Variants in HDAC9 observed in about 807,000 individuals in gnomAD.
HDAC9 encodes histone deacetylase 9.
Under a neutral mutation model 139.4 loss-of-function variants are expected in HDAC9, and 41 were observed. The observed-to-expected ratio is 0.29, with a 90% confidence interval of 0.23 to 0.38. The LOEUF is 0.38. Among genes scored for constraint, HDAC9 ranks in the 10% least tolerant of loss-of-function variants. The pLI is 1.00. For missense variants in HDAC9, 1,147 were observed against 1,297.0 expected, an observed-to-expected ratio of 0.88 and a Z score of 1.78; for synonymous variants, 517 against 476.2, an observed-to-expected ratio of 1.09 and a Z score of -1.12.
chr7:18,828,973 T>C (rs925674744), intron 17 of HDAC9, among the ~76,000 whole-genome samples, 188 bp from the exon 18 acceptor site: 13 of 152,222 alleles, frequency 8.5e-5, no homozygotes, highest in Non-Finnish European at 1.6e-4. Flanking sequence ...TGAGAAAATG[T>C]GATCACATGT....
chr7:18,550,023 A>AT lies in HDAC9; in HGVS notation c.23-35248dup, dbSNP rs552218842. Among the ~76,000 whole-genome samples, 526 of 139,646 alleles carry AT rather than the reference A, an allele frequency of 3.8e-3. 3 individuals carry two copies. The highest frequency in any genetic ancestry group is 9.7e-3 in the East Asian group (46 of 4,722). The allele number at this position is 139,646 out of a possible 152,430, so 91.6% of individuals were successfully genotyped here. A position where few individuals can be genotyped will look rare whatever the true frequency, so the allele number is the denominator to read the frequency against. On this transcript the variant is annotated intron_variant, in intron 2 of 25. Transcript: ENST00000686413. ...TTCATTTTTTGGAAAGGCATTCTTT[A>AT]TTTTTTTTTTACCATTTTCAACTCA...
At chr7:18,590,998 G>A (rs368058598) in intron 4 of HDAC9, among the ~76,000 whole-genome samples, 2 of 152,138 alleles carry the variant, frequency 1.3e-5, no homozygotes, top group Non-Finnish European at 2.9e-5. Context: ...AAATCAGGTC[G>A]TAGCAAAGTT....
rs545116167 is a variant in HDAC9, at chr7:18,411,378, T to C, written c.-41-84884T>C. On this transcript the variant is annotated intron_variant, in intron 1 of 3. Coordinates refer to the HDAC9 transcript ENST00000413509. ...CAATAAATTACATGAAATATTAGAC[T>C]TCTTTTCTTTTTTTGAGATGGAGTC... Among the ~76,000 whole-genome samples the C allele has an allele frequency of 2.0e-5, 3 of 152,206 alleles. No homozygotes were observed. In the East Asian group the frequency reaches 5.8e-4, roughly 29 times the overall value.
chr7:18,614,130 A>G (rs1244021003), intron 6 of HDAC9, among the ~76,000 whole-genome samples: 1 of 152,156 alleles, frequency 6.6e-6, no homozygotes, highest in Non-Finnish European at 1.5e-5. Context: ...TATAAAATGA[A>G]TAGGTTGATC....
At chr7:18,991,761 C>A (rs1040334302) in intron 25 of HDAC9, among the ~76,000 whole-genome samples, 2 of 152,092 alleles carry the variant, frequency 1.3e-5, no homozygotes, top group Non-Finnish European at 2.9e-5. Context: ...AAATTCAAAT[C>A]TTTGTCCAAA....
intron 22 of HDAC9, among the ~76,000 whole-genome samples, chr7:18,923,300 G>A (rs373006999): frequency 2.6e-5 from 4 of 152,132 alleles, no homozygotes; most frequent in African/African-American, 7.2e-5. Flanking sequence ...CAACAGCTGC[G>A]TATCCCTAGT....
intron 16 of HDAC9, among the ~76,000 whole-genome samples, chr7:18,783,404 G>C (rs1791420311): frequency 6.6e-6 from 1 of 152,048 alleles, no homozygotes; most frequent in South Asian, 2.1e-4. Flanking sequence ...AGAAATACTT[G>C]TATATGAGGC....
intron 16 of HDAC9, among the ~76,000 whole-genome samples, chr7:18,788,752 T>TC (rs1792038753): frequency 1.2e-5 from 1 of 81,776 alleles, no homozygotes; most frequent in African/African-American, 3.2e-5. Flanking sequence ...GAGACTCTGT[T>TC]TAAAAAAAAA....
At chr7:18,619,281 T>G (rs943277401) in intron 6 of HDAC9, among the ~76,000 whole-genome samples, 5 of 152,150 alleles carry the variant, frequency 3.3e-5, no homozygotes, top group Non-Finnish European at 4.4e-5. Flanking sequence ...TTAGGGTAGT[T>G]GAGGTTCATC....
intron 1 of HDAC9, among the ~76,000 whole-genome samples, chr7:18,383,854 A>C (rs776444943): frequency 2.0e-5 from 3 of 150,916 alleles, no homozygotes; most frequent in Non-Finnish European, 1.5e-5. Context: ...GCACCACTGC[A>C]CTCCAGCCTG....
chr7:18,708,665 A>T (rs558219208), intron 12 of HDAC9, among the ~76,000 whole-genome samples: 1 of 152,280 alleles, frequency 6.6e-6, no homozygotes, highest in East Asian at 1.9e-4. Flanking sequence ...AGGGAGTGAG[A>T]GAACTTGAAT....
intron 12 of HDAC9, among the ~76,000 whole-genome samples, chr7:18,713,493 T>C (rs1235933529): frequency 1.3e-5 from 2 of 152,160 alleles, no homozygotes; most frequent in African/African-American, 4.8e-5. Context: ...AGATCAAACA[T>C]CATGTTTAAC....
At chr7:18,935,007 A>C (rs1781525389) in intron 22 of HDAC9, among the ~76,000 whole-genome samples, 1 of 152,210 alleles carries the variant, frequency 6.6e-6, no homozygotes, top group African/African-American at 2.4e-5. Context: ...AAGATGAGCT[A>C]ACAAAATACA....
At chr7:18,937,982 T>C (rs1394122415) in intron 23 of HDAC9, among the ~76,000 whole-genome samples, 1 of 152,224 alleles carries the variant, frequency 6.6e-6, no homozygotes, top group Admixed American at 6.5e-5. Flanking sequence ...TCAGAACAGA[T>C]TCAACTGTGT....
chr7:18,532,467 C>G (rs912956618), intron 2 of HDAC9, among the ~76,000 whole-genome samples: 3 of 152,072 alleles, frequency 2.0e-5, no homozygotes, highest in African/African-American at 7.2e-5. Context: ...TTAAAATATA[C>G]CAATTCCAAA....
chr7:18,934,968 C>T (rs979417006), intron 22 of HDAC9, among the ~76,000 whole-genome samples: 51 of 151,696 alleles, frequency 3.4e-4, no homozygotes, highest in African/African-American at 1.1e-3. Flanking sequence ...TACTAGACAG[C>T]AAAAAAACTA....
At chr7:18,645,324 C>G (rs910447058) in intron 9 of HDAC9, among the ~76,000 whole-genome samples, 9 of 152,160 alleles carry the variant, frequency 5.9e-5, no homozygotes, top group African/African-American at 1.9e-4. Flanking sequence ...GAATATGTAT[C>G]TGGAAAAACT....
chr7:18,293,285 C>T (rs1482003593), intron 1 of HDAC9, among the ~76,000 whole-genome samples: 1 of 149,808 alleles, frequency 6.7e-6, no homozygotes, highest in East Asian at 2.0e-4. Context: ...GGAAGGGTCA[C>T]TGTTATGTCA....
At chr7:18,277,574 T>C (rs556743886) in intron 2 of HDAC9, among the ~76,000 whole-genome samples, 15 of 152,334 alleles carry the variant, frequency 9.8e-5, no homozygotes, top group Non-Finnish European at 2.2e-4. Context: ...TGATATTGTC[T>C]GCCTGACTCA....
Sources: allele counts gnomAD v4.1 joint callset (sites outside exome capture counted in the v4.1 genomes callset), GRCh38; gene constraint gnomAD v4.1.1; transcripts MANE v1.5; gene names NCBI Gene and HGNC (gene_info 2026-07-23, HGNC 2026-07-21).